The following ZNF804B variants were observed in gnomAD, a reference collection of about 807,000 sequenced individuals.
ZNF804B encodes the protein zinc finger protein 804B, also known as zinc finger 804B.
A neutral mutation model predicts 101.4 loss-of-function variants in ZNF804B; 80 were observed. The observed-to-expected ratio is 0.79, with a 90% CI of 0.66 to 0.95. ZNF804B has a LOEUF of 0.95. Ranked by LOEUF, ZNF804B falls within the 40% of genes least tolerant of loss-of-function variation. ZNF804B has a pLI of 0.00. For missense variants in ZNF804B, 1,673 were observed against 1,561.9 expected (o/e 1.07, Z -1.20); for synonymous variants, 622 against 558.8 (o/e 1.11, Z -1.59).
intron 1 of ZNF804B, among the ~76,000 whole-genome samples, chr7:88,925,167 T>A (rs1408584955): frequency 6.6e-6 from 1 of 152,122 alleles, no homozygotes; most frequent in Non-Finnish European, 1.5e-5. Context: ...AATAATTAGA[T>A]CTTAGAGCTG....
chr7:88,937,144 T>C (rs1792985278), intron 1 of ZNF804B, among the ~76,000 whole-genome samples: 1 of 146,902 alleles, frequency 6.8e-6, no homozygotes, highest in Non-Finnish European at 1.5e-5. Context: ...GTATTATTGC[T>C]CTCCACATAA....
intron 2 of ZNF804B, among the ~76,000 whole-genome samples, chr7:89,265,285 T>TGC (rs1282904171): frequency 1.8e-3 from 57 of 31,944 alleles, no homozygotes; most frequent in African/African-American, 8.9e-3. Flanking sequence ...TGTGTGTGTG[T>TGC]GTGTGTGTGC....
intron 2 of ZNF804B, among the ~76,000 whole-genome samples, chr7:89,276,157 T>G (rs960309078): frequency 1.3e-5 from 2 of 151,680 alleles, no homozygotes; most frequent in African/African-American, 4.9e-5. Flanking sequence ...TAACACACAC[T>G]GTGGCCTGTG....
intron 2 of ZNF804B, among the ~76,000 whole-genome samples, chr7:89,256,944 A>G (rs930412526): frequency 2.0e-5 from 3 of 152,198 alleles, no homozygotes; most frequent in Admixed American, 1.3e-4. Context: ...TATGTTTAAT[A>G]CTTTTCATTT....
intron 2 of ZNF804B, among the ~76,000 whole-genome samples, chr7:89,294,614 T>C (rs1172929598): frequency 6.6e-6 from 1 of 152,072 alleles, no homozygotes; most frequent in East Asian, 1.9e-4. Context: ...ATGCTTCCCT[T>C]CTGTTCTGAT....
At chr7:89,293,420 A>G (rs1050832355) in intron 2 of ZNF804B, among the ~76,000 whole-genome samples, 2 of 152,168 alleles carry the variant, frequency 1.3e-5, no homozygotes, top group African/African-American at 4.8e-5. Flanking sequence ...ATAAAAGTAA[A>G]TTTTTAAATA....
chr7:88,920,677 T>C (rs551520982), intron 1 of ZNF804B, among the ~76,000 whole-genome samples: 75 of 151,962 alleles, frequency 4.9e-4, no homozygotes, highest in African/African-American at 1.7e-3. Context: ...TACTAGAAAA[T>C]TGAAATTTGA....
Position 88,855,239 on chromosome 7 carries a change from A to G in ZNF804B, c.108+95155A>G, listed in dbSNP as rs530047979. Among the ~76,000 whole-genome samples the G allele has an allele frequency of 4.6e-5, 7 of 151,886 alleles. No individual in the cohort carries two copies. In the South Asian group the frequency reaches 8.4e-4, roughly 18 times the overall value. On this transcript the variant is annotated intron_variant, in intron 1 of 3. Coordinates refer to ENST00000333190, the MANE Select transcript of ZNF804B (RefSeq NM_181646.5). ...TCACCAACATTGTAAAAGTGTTCCTATTTCTCCACATCCTCTCCAGCACCT... is the reference window on the plus strand; with the variant it reads ...TCACCAACATTGTAAAAGTGTTCCTGTTTCTCCACATCCTCTCCAGCACCT...
chr7:89,122,434 C>G (rs543605705), intron 1 of ZNF804B, among the ~76,000 whole-genome samples: 1 of 152,046 alleles, frequency 6.6e-6, no homozygotes, highest in South Asian at 2.1e-4. Flanking sequence ...TTATTACTAA[C>G]GTTGTTTAGA....
At chr7:89,087,496 A>T (rs137956854) in intron 1 of ZNF804B, among the ~76,000 whole-genome samples, 4 of 151,998 alleles carry the variant, frequency 2.6e-5, no homozygotes, top group Non-Finnish European at 4.4e-5. Context: ...ATCAAAATAC[A>T]CTAAGTAAAT....
intron 1 of ZNF804B, among the ~76,000 whole-genome samples, chr7:88,874,408 G>T (rs77978982): frequency 6.6e-6 from 1 of 150,576 alleles, no homozygotes; most frequent in Admixed American, 6.6e-5. Context: ...CAATCATGTC[G>T]TCTGCAAACA....
rs781332488 is a variant in ZNF804B, at chr7:88,870,400, A to AAAAAAAAAAAAAAAAAAAAAAG, written c.108+110323_108+110324insAAAAAAAAAAAAAAGAAAAAAA. Among the ~76,000 whole-genome samples, 512 of 112,116 alleles carry AAAAAAAAAAAAAAAAAAAAAAG rather than the reference A, an allele frequency of 4.6e-3. 23 individuals carry two copies. Among genetic ancestry groups the AAAAAAAAAAAAAAAAAAAAAAG allele is most frequent in the Non-Finnish European group, 6.7e-3 (365 of 54,674 alleles). 73.6% of individuals were successfully genotyped at this position (112,116 alleles called of 152,430 possible). On this transcript the variant is annotated intron_variant, in intron 1 of 3. Coordinates refer to ENST00000333190, the MANE Select transcript of ZNF804B (RefSeq NM_181646.5). ...ACTCCGTCTCAAAAAAAAAAAAAAA[A>AAAAAAAAAAAAAAAAAAAAAAG]AAAAAAAGGTGGGTGATTGGAAAAC...
intron 1 of ZNF804B, among the ~76,000 whole-genome samples, chr7:89,048,418 G>T (rs1398080031): frequency 6.6e-6 from 1 of 151,846 alleles, no homozygotes; most frequent in Non-Finnish European, 1.5e-5. Flanking sequence ...ATAATGAGGG[G>T]TCTGTAACCT....
intron 2 of ZNF804B, among the ~76,000 whole-genome samples, chr7:89,244,650 C>T (rs975440500): frequency 4.6e-5 from 7 of 151,958 alleles, no homozygotes; most frequent in African/African-American, 1.7e-4. Flanking sequence ...TTCATAGCAC[C>T]TGGAGACAAA....
intron 1 of ZNF804B, among the ~76,000 whole-genome samples, chr7:88,846,589 G>C (rs1791376459): frequency 6.6e-6 from 1 of 152,164 alleles, no homozygotes; most frequent in Non-Finnish European, 1.5e-5. Flanking sequence ...TGGGATTGGA[G>C]CTCAACTGCT....
intron 1 of ZNF804B, among the ~76,000 whole-genome samples, chr7:89,009,307 A>G (rs1788417246): frequency 6.6e-6 from 1 of 152,210 alleles, no homozygotes; most frequent in African/African-American, 2.4e-5. Context: ...TATGTGATCC[A>G]TAGTCATAAT....
chr7:88,772,934 C>T (rs1248264022), intron 1 of ZNF804B, among the ~76,000 whole-genome samples: 1 of 152,082 alleles, frequency 6.6e-6, no homozygotes. Context: ...CTTCCTTTTC[C>T]TCTGTATCTG....
chr7:89,127,661 A>G (rs1244964092), intron 1 of ZNF804B, among the ~76,000 whole-genome samples: 2 of 151,748 alleles, frequency 1.3e-5, no homozygotes, highest in Non-Finnish European at 1.5e-5. Flanking sequence ...AGGAAGCCAT[A>G]GTGTCATGTT....
rs548289720 is a variant in ZNF804B at position 89,051,492 on chromosome 7, A to G, written c.109-166663A>G. ...TTCCTGTTCATTTTTACTGGATTCA[A>G]AAGCCCAAAGTTTGCTATTTTACCA... On this transcript the variant is annotated intron_variant, in intron 1 of 3. Transcript: ENST00000333190. Among the ~76,000 whole-genome samples, 64 of 152,298 alleles carry G rather than the reference A, an allele frequency of 4.2e-4. No homozygotes were observed. The South Asian group carries it at 0.013, about 31-fold the overall frequency.
Sources: allele counts gnomAD v4.1 joint callset (sites outside exome capture counted in the v4.1 genomes callset), GRCh38; gene constraint gnomAD v4.1.1; transcripts MANE v1.5; gene names NCBI Gene and HGNC (gene_info 2026-07-23, HGNC 2026-07-21).